Variants in BICC1 observed in about 807,000 individuals in gnomAD.
BICC1 encodes protein bicaudal C homolog 1.
A neutral mutation model predicts 111.0 loss-of-function variants in BICC1; 43 were observed. The ratio of observed to expected loss-of-function variants is 0.39; its 90% confidence interval spans 0.30 to 0.50. The LOEUF is 0.50. Ranked by LOEUF, BICC1 falls within the 20% of genes least tolerant of loss-of-function variation. The pLI is 0.88. For synonymous variants in BICC1, 467 were observed against 434.4 expected (o/e 1.07, Z -0.93); for missense variants, 1,091 against 1,203.2 (o/e 0.91, Z 1.38).
chr10:58,755,257 C>T (rs1564595009), intron 3 of BICC1, among the ~76,000 whole-genome samples: 1 of 152,058 alleles, frequency 6.6e-6, no homozygotes, highest in East Asian at 1.9e-4. Context: ...ACTGCCAGGG[C>T]CCACTGTTTA....
intron 1 of BICC1, among the ~76,000 whole-genome samples, chr10:58,618,801 T>G (rs1289980957): frequency 2.0e-5 from 3 of 152,190 alleles, no homozygotes; most frequent in Non-Finnish European, 2.9e-5. Context: ...AACAGAAATC[T>G]TACTTTTTGG....
In BICC1 at chr10:58,803,160, G is replaced by A. The variant is rs774435394; in HGVS notation, c.2099G>A (p.Arg700His). ...GACAAGAAGGCTCCAGGGAGTGAGC[G>A]CGCTGCAGAGAGGGCAGCAGCTGCC... is the stretch of plus-strand genomic sequence containing the variant. ...LADKKAPGSE[R>H]AAERAAAAQQ... Residue 700 changes from arginine to histidine, a missense_variant, in exon 15 of 21, where the codon CGC (arginine) becomes CAC (histidine). By Grantham distance (29) the Arg-to-His change is conservative. Around this residue, in one of 3 missense-constraint regions of BICC1, gnomAD observed 843 missense variants for 900.8 expected, o/e 0.94. Coordinates refer to ENST00000373886, the MANE Select transcript of BICC1 (RefSeq NM_001080512.3). 6.8e-6 allele frequency: 11 copies of A among 1,611,794 alleles called. No homozygotes were observed. Among genetic ancestry groups the A allele is most frequent in the East Asian group, 4.5e-5 (2 of 44,792 alleles).
At chr10:58,532,502 T>G (rs1354216321) in intron 1 of BICC1, among the ~76,000 whole-genome samples, 6 of 151,758 alleles carry the variant, frequency 4.0e-5, no homozygotes, top group Non-Finnish European at 8.8e-5. Flanking sequence ...TACAAAAAAT[T>G]TATGGGAATA....
At chr10:58,544,568 T>C (rs867007313) in intron 1 of BICC1, among the ~76,000 whole-genome samples, 1 of 152,124 alleles carries the variant, frequency 6.6e-6, no homozygotes, top group South Asian at 2.1e-4. Flanking sequence ...CTGTGTTACG[T>C]ATGTAGAAAG....
chr10:58,828,657 C>CA, intron 20 of BICC1, 104 bp from the exon 21 acceptor site: 4 of 1,299,108 alleles, frequency 3.1e-6, no homozygotes, highest in Non-Finnish European at 4.2e-6. Flanking sequence ...TGACTTTCCT[C>CA]AAAAAACCTA....
At chr10:58,556,351 G>A (rs1336163524) in intron 1 of BICC1, among the ~76,000 whole-genome samples, 3 of 152,062 alleles carry the variant, frequency 2.0e-5, no homozygotes, top group Non-Finnish European at 4.4e-5. Context: ...TAAGGAAAAT[G>A]TATATTAAAA....
At chr10:58,708,571 G>A (rs1840472042) in intron 3 of BICC1, among the ~76,000 whole-genome samples, 1 of 152,178 alleles carries the variant, frequency 6.6e-6, no homozygotes, top group South Asian at 2.1e-4. Flanking sequence ...TTTATAGACA[G>A]GCTTGAAGAA....
chr10:58,685,222 G>A (rs958096145), intron 2 of BICC1, among the ~76,000 whole-genome samples: 2 of 152,180 alleles, frequency 1.3e-5, no homozygotes, highest in Admixed American at 6.6e-5. Flanking sequence ...TGATTGCACT[G>A]TGGTCTGAGA....
At chr10:58,597,829 C>T (rs561807968) in intron 1 of BICC1, among the ~76,000 whole-genome samples, 9 of 152,028 alleles carry the variant, frequency 5.9e-5, no homozygotes, top group South Asian at 2.1e-4. Context: ...TGCCCAACCC[C>T]GCAGGCAGTC....
At chr10:58,542,333 C>A (rs1336846713) in intron 1 of BICC1, among the ~76,000 whole-genome samples, 1 of 151,564 alleles carries the variant, frequency 6.6e-6, no homozygotes, top group Non-Finnish European at 1.5e-5. Context: ...TATTGGCATG[C>A]AGAAGAATGG....
chr10:58,570,159 A>G (rs1294923581), intron 1 of BICC1, among the ~76,000 whole-genome samples: 1 of 152,226 alleles, frequency 6.6e-6, no homozygotes, highest in Non-Finnish European at 1.5e-5. Context: ...GCAGTACATA[A>G]GCAAACATTA....
In BICC1 at chr10:58,806,994, GT is replaced by G; in HGVS notation, c.2222-7del. 1 of 1,606,342 alleles carries G rather than the reference GT, an allele frequency of 6.2e-7. No individual in the cohort carries two copies. The highest frequency in any genetic ancestry group is 1.1e-5 in the South Asian group (1 of 89,530). On this transcript the variant is annotated splice_polypyrimidine_tract_variant and intron_variant, in intron 16 of 20. Transcript: ENST00000373886. Reference sequence around the variant, plus strand: ...ACATACCAAGCATTGGTTTTATTTTGTTTCCAAAGCTATGTTAAAGAAACCA... The same window carrying G: ...ACATACCAAGCATTGGTTTTATTTTGTTCCAAAGCTATGTTAAAGAAACCA...
chr10:58,656,756 A>G lies in BICC1; in HGVS notation c.237+35855A>G, dbSNP rs148631544. On this transcript the variant is annotated intron_variant, in intron 2 of 20. Transcript: ENST00000373886. ...TTCAGTTCTAAAATTTTATTCCCTA[A>G]GTTCCTTGATCTGAGAATACAACTC... Among the ~76,000 whole-genome samples the G allele has an allele frequency of 1.6e-4, 24 of 152,244 alleles. No homozygotes were observed. In the East Asian group the frequency reaches 4.1e-3, roughly 26 times the overall value.
chr10:58,802,210 C>T (rs369458079), intron 14 of BICC1, among the ~76,000 whole-genome samples: 1 of 152,210 alleles, frequency 6.6e-6, no homozygotes, highest in Non-Finnish European at 1.5e-5. Context: ...CACCAGACAA[C>T]TTGCAGATGC....
Position 58,807,127 on chromosome 10 carries a change from C to G in BICC1, c.2345C>G (p.Ser782Cys), listed in dbSNP as rs745619817. 1.2e-6 allele frequency: 2 copies of G among 1,613,760 alleles called. No homozygotes were observed. Among genetic ancestry groups the G allele is most frequent in the Non-Finnish European group, 1.7e-6 (2 of 1,179,806 alleles). Residue 782 changes from serine to cysteine, a missense_variant, in exon 17 of 21, where the codon TCC (serine) becomes TGC (cysteine). Ser to Cys is a moderately radical substitution (Grantham distance 112). This residue lies in a region of BICC1 where 231 missense variants were observed against 256.2 expected (regional missense o/e 0.90). Coordinates refer to ENST00000373886, the MANE Select transcript of BICC1 (RefSeq NM_001080512.3). ...GAGTTGAGAAGGGCCAATCATGTGT[C>G]CTATAAGCCCACAATGACAACCACT... ...IKELRRANHV[S>C]YKPTMTTTYE...
intron 3 of BICC1, among the ~76,000 whole-genome samples, chr10:58,755,956 G>A (rs888565980): frequency 1.1e-4 from 16 of 152,088 alleles, no homozygotes; most frequent in African/African-American, 3.9e-4. Context: ...GCTCCTGCGT[G>A]TTCTATGTCT....
In BICC1 at chr10:58,754,760, ATGTG is replaced by A. The variant is rs149325160; in HGVS notation, c.308-30219_308-30216del. On this transcript the variant is annotated intron_variant, in intron 3 of 20. Coordinates refer to ENST00000373886, the MANE Select transcript of BICC1 (RefSeq NM_001080512.3). ...GACAAACTTGTGAGGGGGGGTGTGT[ATGTG>A]TGTGTGTGTGTGTGTGTGTGTAAAA... is the stretch of plus-strand genomic sequence containing the variant. Among the ~76,000 whole-genome samples, 309 of 148,844 alleles carry A rather than the reference ATGTG, an allele frequency of 2.1e-3. 2 individuals carry two copies. Among genetic ancestry groups the A allele is most frequent in the East Asian group, 0.018 (90 of 4,970 alleles).
chr10:58,774,884 G>T (rs1842708827), intron 3 of BICC1, among the ~76,000 whole-genome samples: 1 of 152,032 alleles, frequency 6.6e-6, no homozygotes. Flanking sequence ...TTCCTTAAGG[G>T]ACAATTAGTA....
intron 3 of BICC1, among the ~76,000 whole-genome samples, chr10:58,732,663 C>T (rs2132564981): frequency 6.6e-6 from 1 of 151,702 alleles, no homozygotes; most frequent in East Asian, 2.0e-4. Flanking sequence ...CATCTGTAGT[C>T]CCAACTACTT....
Sources: gnomAD v4.1 joint callset for allele counts (sites outside exome capture counted in the v4.1 genomes callset) on GRCh38, gnomAD v4.1.1 for gene constraint, gnomAD v4.1.1 regional missense constraint, MANE v1.5 for transcripts, NCBI Gene and HGNC (gene_info 2026-07-23, HGNC 2026-07-21) for gene names.